Variants in CROCC observed in about 807,000 individuals in gnomAD.
CROCC encodes the protein rootletin.
A neutral mutation model predicts 245.2 loss-of-function variants in CROCC; 180 were observed. The observed-to-expected ratio is 0.73, with a 90% CI of 0.65 to 0.83. The LOEUF (loss-of-function observed/expected upper bound fraction) is 0.83. Ranked by LOEUF, CROCC falls within the 40% of genes least tolerant of loss-of-function variation. The pLI, the probability that CROCC is intolerant of heterozygous loss-of-function variation, is 0.00. For missense variants in CROCC, 2,688 were observed against 2,779.4 expected (o/e 0.97, Z 0.74); for synonymous variants, 1,205 against 1,241.6 (o/e 0.97, Z 0.62).
At position 16,930,535 on chromosome 1, in the gene CROCC, T is replaced by C. The variant is rs2075649344; in HGVS notation, c.790T>C (p.Trp264Arg). 1.9e-6 allele frequency: 3 copies of C among 1,612,316 alleles called. No individual in the cohort carries two copies. Among genetic ancestry groups the C allele is most frequent in the Non-Finnish European group, 2.5e-6 (3 of 1,179,840 alleles). ...SEDIRKVTNDWTRCRKELEHR... is the reference protein window; with the variant it reads ...SEDIRKVTNDRTRCRKELEHR... ...GGACATACGAAAGGTGACCAATGACTGGACACGCTGCCGCAAGGAGCTGGA... is the reference window on the plus strand; with the variant it reads ...GGACATACGAAAGGTGACCAATGACCGGACACGCTGCCGCAAGGAGCTGGA... Residue 264 changes from tryptophan (W) to arginine (R), a missense_variant, in exon 7 of 37, where the codon TGG (tryptophan) becomes CGG (arginine). Physicochemically the swap from Trp to Arg is moderately radical, Grantham distance 101. This residue lies in a region of CROCC where 972 missense variants were observed against 895.3 expected (regional missense o/e 1.09). Coordinates refer to ENST00000375541, the MANE Select transcript of CROCC (RefSeq NM_014675.5).
Position 16,958,614 on chromosome 1 carries a change from TG to T in CROCC, c.3899del (p.Gly1300AlafsTer33). The T allele has an allele frequency of 6.4e-7, 1 of 1,554,624 alleles. No individual in the cohort carries two copies. The highest frequency in any genetic ancestry group is 1.4e-5 in the African/African-American group (1 of 73,526). ...MKMLDSENTR[L>X]GRELAELQGR... The stretch of plus-strand genomic sequence containing the variant: ...ATGCTGGACAGTGAGAACACCAGAC[TG>T]GGCCGGGAGCTGGCGGAGCTGCAGG... On this transcript the variant is annotated frameshift_variant, in exon 26 of 37. Coordinates refer to ENST00000375541, the MANE Select transcript of CROCC (RefSeq NM_014675.5). LOFTEE classifies it high-confidence loss of function.
At position 16,936,887 on chromosome 1, in the gene CROCC, G is replaced by A. The variant is rs1271846877; in HGVS notation, c.1193+14G>A. 3 of 1,601,350 alleles carry A rather than the reference G, an allele frequency of 1.9e-6. No individual in the cohort carries two copies. The African/African-American group carries it at 4.0e-5, about 21-fold the overall frequency. The stretch of plus-strand genomic sequence containing the variant: ...CCTCAGTGCCAGGTGGGTACCTGGT[G>A]GATGCCGCACGAGGCAGGCGTCCCT... On this transcript the variant is annotated intron_variant, in intron 9 of 36. Coordinates refer to ENST00000375541, the MANE Select transcript of CROCC (RefSeq NM_014675.5).
Position 16,955,404 on chromosome 1 carries a change from G to T in CROCC, c.3558G>T (p.Glu1186Asp). The T allele has an allele frequency of 6.2e-7, 1 of 1,604,176 alleles. No homozygotes were observed. ...ELLEAQRKLRESQEGREVQRQ... is the reference protein window; with the variant it reads ...ELLEAQRKLRDSQEGREVQRQ... ...TGGAGGCCCAGCGCAAGCTGCGTGA[G>T]AGCCAGGAGGGCCGGGAGGTGCAGC... is the stretch of plus-strand genomic sequence containing the variant. Residue 1186 changes from glutamate to aspartate, a missense_variant, in exon 24 of 37, where the codon GAG becomes GAT. Glu to Asp is a conservative substitution (Grantham distance 45). This residue lies in a region of CROCC where 1,218 missense variants were observed against 1,286.3 expected (regional missense o/e 0.95). Transcript: ENST00000375541.
At position 16,965,754 on chromosome 1, in the gene CROCC, C is replaced by G; in HGVS notation, c.4437C>G (p.Thr1479=). ...GGGAAGGGCTCAACAGCCCCAGCAC[C>G]TTAGAATGCAGCCCTGGGTCCCAGC... ...GSGEGLNSPS[T]LECSPGSQPP... Residue 1479 remains threonine (T), a synonymous_variant, in exon 28 of 37, where the codon ACC becomes ACG. Coordinates refer to ENST00000375541, the MANE Select transcript of CROCC (RefSeq NM_014675.5). 5.6e-6 allele frequency: 9 copies of G among 1,613,836 alleles called. No homozygotes were observed. Among genetic ancestry groups the G allele is most frequent in the Non-Finnish European group, 7.6e-6 (9 of 1,179,892 alleles).
intron 2 of CROCC, 93 bp from the exon 3 acceptor site, chr1:16,924,232 C>T (rs1219802005): frequency 1.3e-6 from 2 of 1,494,332 alleles, no homozygotes; most frequent in Non-Finnish European, 1.8e-6. Flanking sequence ...GGACTCCTCC[C>T]AGGGGCCTGG....
chr1:16,932,367 G>C (rs188932559), intron 8 of CROCC, among the ~76,000 whole-genome samples: 1 of 152,246 alleles, frequency 6.6e-6, no homozygotes, highest in African/African-American at 2.4e-5. Flanking sequence ...TTGAACCTGG[G>C]AGGCAGAGGT....
chr1:16,967,182 A>C (rs1200268042), intron 30 of CROCC, among the ~76,000 whole-genome samples: 2 of 152,204 alleles, frequency 1.3e-5, no homozygotes, highest in African/African-American at 4.8e-5. Flanking sequence ...GGTGACACAC[A>C]CAGGCTCTTA....
chr1:16,947,629 G>C (rs1157151691), intron 17 of CROCC, among the ~76,000 whole-genome samples: 4 of 152,196 alleles, frequency 2.6e-5, no homozygotes, highest in Admixed American at 1.3e-4. Flanking sequence ...ATCCTGGAGC[G>C]CCTAGGTTTC....
chr1:16,946,259 G>A lies in CROCC; in HGVS notation c.2137G>A (p.Ala713Thr), dbSNP rs369550234. The change falls in exon 16 of 37, where the codon GCT (alanine) becomes ACT (threonine). Residue 713 changes from alanine to threonine, a missense_variant and splice_region_variant. By Grantham distance (58) the Ala-to-Thr change is moderately conservative (BLOSUM62 0). Around this residue, in one of 9 missense-constraint regions of CROCC, gnomAD observed 295 missense variants for 241.7 expected, o/e 1.22. Coordinates refer to ENST00000375541, the MANE Select transcript of CROCC (RefSeq NM_014675.5). ...CATTTCTCGGGGCCTGACCCTGCAG[G>A]CTGAGGCTGGCCGCGTGGAGCTCGA... ...KAEVAEALTK[A>T]EAGRVELELS... 9.9e-6 allele frequency: 16 copies of A among 1,612,316 alleles called. No homozygotes were observed. Among genetic ancestry groups the A allele is most frequent in the African/African-American group, 1.3e-5 (1 of 74,926 alleles).
At position 16,938,113 on chromosome 1, in the gene CROCC, C is replaced by T. The variant is rs536544730; in HGVS notation, c.1291-287C>T. Among the ~76,000 whole-genome samples the T allele has an allele frequency of 7.2e-5, 11 of 152,400 alleles. No homozygotes were observed. In the East Asian group the frequency reaches 1.7e-3, roughly 24 times the overall value. ...CCCCACCAGTGGGACACTCACTCCC[C>T]CAGGGTACAGCCTGGTTTGGTCACC... On this transcript the variant is annotated intron_variant, in intron 10 of 36. Coordinates refer to ENST00000375541, the MANE Select transcript of CROCC (RefSeq NM_014675.5).
upstream of CROCC, among the ~76,000 whole-genome samples, chr1:16,917,389 G>C (rs1287379727): frequency 6.6e-6 from 1 of 152,268 alleles, no homozygotes; most frequent in East Asian, 1.9e-4. Context: ...GATAACGAAG[G>C]GGTAAGCGGA....
rs1009857870 is a variant in CROCC at position 16,965,906 on chromosome 1, T to A, written c.4575+14T>A. ...CAGAGAGAACGGGTAAGCCTGGGTG[T>A]GCATGGCTGGATGGGGAACCTGGAG... is the stretch of plus-strand genomic sequence containing the variant. On this transcript the variant is annotated intron_variant, in intron 28 of 36. Coordinates refer to ENST00000375541, the MANE Select transcript of CROCC (RefSeq NM_014675.5). 6.2e-7 allele frequency: 1 copy of A among 1,608,532 alleles called. No homozygotes were observed. Among genetic ancestry groups the A allele is most frequent in the Non-Finnish European group, 8.5e-7 (1 of 1,176,142 alleles).
intron 21 of CROCC, 89 bp downstream of exon 21, chr1:16,953,570 C>T: frequency 7.7e-7 from 1 of 1,302,480 alleles, no homozygotes; most frequent in Non-Finnish European, 1.0e-6. Context: ...CAGCTAGGAG[C>T]CCTGGGGCAG....
rs756784520 is a variant in CROCC, at chr1:16,930,446, AG to A, written c.703del (p.Val235Ter). On this transcript the variant is annotated frameshift_variant, in exon 7 of 37. Transcript: ENST00000375541. LOFTEE classifies it high-confidence loss of function. Reference protein sequence around the residue: ...EEQQRSASLAQVNAMLREQLD... With the variant: ...EEQQRSASLAXVNAMLREQLD... ...CCATTCAGGAGTGCCAGCCTGGCCC[AG>A]GTGAATGCCATGCTCCGAGAACAGC... is the stretch of plus-strand genomic sequence containing the variant. 6.8e-6 allele frequency: 11 copies of A among 1,611,958 alleles called. No individual in the cohort carries two copies. The East Asian group carries it at 2.2e-4, about 33-fold the overall frequency.
chr1:16,943,040 C>T (rs571331868), intron 13 of CROCC, among the ~76,000 whole-genome samples: 7 of 151,074 alleles, frequency 4.6e-5, no homozygotes, highest in South Asian at 2.1e-4. Flanking sequence ...GTCGGGAGTT[C>T]GAGACCAGCC....
chr1:16,934,508 G>T (rs1426051507), intron 8 of CROCC, among the ~76,000 whole-genome samples: 3 of 152,244 alleles, frequency 2.0e-5, no homozygotes, highest in Non-Finnish European at 4.4e-5. Flanking sequence ...TTGCCATGTT[G>T]CCCAGGCTGG....
chr1:16,914,469 C>A (rs2075282802), intron 1 of CROCC, among the ~76,000 whole-genome samples: 1 of 152,272 alleles, frequency 6.6e-6, no homozygotes, highest in Non-Finnish European at 1.5e-5. Context: ...ACGGCCTCTG[C>A]CCCCCGCAGA....
At chr1:16,926,685 T>G (rs933824762) in intron 3 of CROCC, among the ~76,000 whole-genome samples, 26 of 152,254 alleles carry the variant, frequency 1.7e-4, no homozygotes, top group Non-Finnish European at 3.5e-4. Context: ...TTGCTGTCCC[T>G]GAGAAGCAGA....
At chr1:16,955,632 G>C in intron 24 of CROCC, 82 bp downstream of exon 24, 1 of 1,234,798 alleles carries the variant, frequency 8.1e-7, no homozygotes, top group Non-Finnish European at 1.1e-6. Context: ...ACGTTCTGGG[G>C]AAATTGCCCA....
Sources: gnomAD v4.1 joint callset for allele counts (sites outside exome capture counted in the v4.1 genomes callset) on GRCh38, gnomAD v4.1.1 for gene constraint, gnomAD v4.1.1 regional missense constraint, MANE v1.5 for transcripts, NCBI Gene and HGNC (gene_info 2026-07-23, HGNC 2026-07-21) for gene names.